The following TMEM132B variants were observed in gnomAD, a reference collection of about 807,000 sequenced individuals.
The protein encoded by TMEM132B is transmembrane protein 132B.
TMEM132B carries 18 observed loss-of-function variants against 90.8 expected under a neutral mutation model. The ratio of observed to expected loss-of-function variants is 0.20; its 90% CI spans 0.14 to 0.29. The LOEUF is 0.29. Ranked by LOEUF, TMEM132B falls within the 10% of genes least tolerant of loss-of-function variation. The probability of loss-of-function intolerance (pLI) is 1.00; values close to 1 mark genes in which losing one functional copy is unlikely to be tolerated. For missense variants in TMEM132B, 1,096 were observed against 1,326.8 expected (o/e 0.83, Z 2.70); for synonymous variants, 504 against 523.3 (o/e 0.96, Z 0.50).
intron 5 of TMEM132B, among the ~76,000 whole-genome samples, chr12:125,622,940 C>T (rs992246938): frequency 6.6e-6 from 1 of 152,154 alleles, no homozygotes; most frequent in Admixed American, 6.5e-5. Flanking sequence ...CTCTCTTTCT[C>T]CCCTGAGAAT....
At chr12:125,312,217 G>T (rs554560116) in intron 1 of TMEM132B, among the ~76,000 whole-genome samples, 1 of 152,342 alleles carries the variant, frequency 6.6e-6, no homozygotes, top group African/African-American at 2.4e-5. Context: ...ATGAATTTTA[G>T]TATATTTGAT....
Position 125,492,156 on chromosome 12 carries a change from G to A in TMEM132B, c.1107-27283G>A, listed in dbSNP as rs2030908. On this transcript the variant is annotated intron_variant, in intron 3 of 8. Transcript: ENST00000682704. The surrounding 1 kb of genome is among the most constrained non-coding windows in gnomAD (Gnocchi z 5.8). ...GAAGGGTGAGAGTGCCCTGCTGCCC[G>A]CCCCCACCGCTCCTCACCTTGCAGA... Among the ~76,000 whole-genome samples the A allele has an allele frequency of 0.068, 10,414 of 152,146 alleles. 379 individuals are homozygous for A. Among genetic ancestry groups the A allele is most frequent in the South Asian group, 0.16 (764 of 4,820 alleles).
chr12:125,428,017 G>A (rs1880373320), intron 3 of TMEM132B, among the ~76,000 whole-genome samples: 1 of 150,234 alleles, frequency 6.7e-6, no homozygotes, highest in African/African-American at 2.5e-5. Context: ...TTTTTCTGAG[G>A]AAGAAGGTCT....
At position 125,654,251 on chromosome 12, in the gene TMEM132B, C is replaced by T. The variant is rs201549881; in HGVS notation, c.2793C>T (p.Tyr931=). ...ACTGCGTGGCGTTTGCCTGGAAATA[C>T]AGACACAAAAGGTTTGCTGTGAGTG... ...LINCVAFAWK[Y]RHKRFAVSEQ... The change falls in exon 9 of 9, where the codon TAC becomes TAT. Residue 931 remains tyrosine (Y), a synonymous_variant. Transcript: ENST00000682704. The surrounding 1 kb of genome is among the most constrained non-coding windows in gnomAD (Gnocchi z 5.8). 7 of 1,614,122 alleles carry T rather than the reference C, an allele frequency of 4.3e-6. No individual in the cohort carries two copies. The East Asian group carries it at 1.6e-4, about 36-fold the overall frequency.
chr12:125,515,320 CTT>C (rs1361047970), intron 3 of TMEM132B, among the ~76,000 whole-genome samples: 24 of 151,916 alleles, frequency 1.6e-4, no homozygotes, highest in African/African-American at 3.4e-4. Context: ...CACATGTTCT[CTT>C]ACAGAAACAA....
intron 1 of TMEM132B, among the ~76,000 whole-genome samples, chr12:125,229,871 G>A (rs1015202422): frequency 6.6e-6 from 1 of 152,234 alleles, no homozygotes; most frequent in Non-Finnish European, 1.5e-5. Context: ...GCTATTGCTC[G>A]ATAGATTAAT....
intron 1 of TMEM132B, among the ~76,000 whole-genome samples, chr12:125,312,842 G>A (rs2136179271): frequency 6.6e-6 from 1 of 152,252 alleles, no homozygotes; most frequent in African/African-American, 2.4e-5. Flanking sequence ...GTTATGAAAG[G>A]ACACAGGATG....
Position 125,387,135 on chromosome 12 carries a change from CT to C in TMEM132B, c.960-28395del, listed in dbSNP as rs377425871. 7.2e-5 allele frequency among the ~76,000 whole-genome samples: 8 copies of C among 111,726 alleles called. No individual in the cohort carries two copies. In the East Asian group the frequency reaches 2.1e-3, roughly 30 times the overall value. 73.3% of individuals were successfully genotyped at this position (111,726 alleles called of 152,430 possible). On this transcript the variant is annotated intron_variant, in intron 2 of 8. Coordinates refer to ENST00000682704, the MANE Select transcript of TMEM132B (RefSeq NM_001366854.1). ...TCTTCTATCTTAAAAGTATTTGCCT[CT>C]GCTTTTTTCTGGGGGTGGGGCGGGG...
intron 1 of TMEM132B, among the ~76,000 whole-genome samples, chr12:125,203,088 G>C (rs1290898908): frequency 6.6e-6 from 1 of 152,152 alleles, no homozygotes; most frequent in Non-Finnish European, 1.5e-5. Flanking sequence ...GCTTACGTCT[G>C]CCTCTATACT....
intron 5 of TMEM132B, among the ~76,000 whole-genome samples, chr12:125,614,187 T>A (rs537014952): frequency 6.6e-6 from 1 of 152,296 alleles, no homozygotes; most frequent in African/African-American, 2.4e-5. Flanking sequence ...TGGGAATATT[T>A]CATGGTGCTG....
chr12:125,352,804 T>C (rs1004354270), intron 2 of TMEM132B, among the ~76,000 whole-genome samples: 1 of 152,234 alleles, frequency 6.6e-6, no homozygotes, highest in African/African-American at 2.4e-5. Context: ...TTTGGAGTTG[T>C]GCTTATTCAG....
intron 3 of TMEM132B, among the ~76,000 whole-genome samples, chr12:125,509,280 G>C (rs747744962): frequency 4.6e-5 from 7 of 152,186 alleles, no homozygotes; most frequent in Non-Finnish European, 7.3e-5. Context: ...CTTCATAGCT[G>C]TGTAACCTGC....
At chr12:125,336,222 T>C (rs901553833) in intron 1 of TMEM132B, among the ~76,000 whole-genome samples, 2 of 152,154 alleles carry the variant, frequency 1.3e-5, no homozygotes, top group Non-Finnish European at 2.9e-5. Flanking sequence ...TTCTAGAGTG[T>C]TATGTAAGTG....
intron 3 of TMEM132B, among the ~76,000 whole-genome samples, chr12:125,480,387 G>A (rs1382806892): frequency 6.6e-6 from 1 of 152,042 alleles, no homozygotes; most frequent in Non-Finnish European, 1.5e-5. Flanking sequence ...AGAAAAGAGA[G>A]AAGAATCAAA....
At chr12:125,573,082 A>G (rs1411878948) in intron 4 of TMEM132B, among the ~76,000 whole-genome samples, 2 of 152,236 alleles carry the variant, frequency 1.3e-5, no homozygotes, top group East Asian at 3.9e-4. Context: ...TGGCACTTAA[A>G]TCAGCCATTT....
intron 4 of TMEM132B, among the ~76,000 whole-genome samples, chr12:125,534,192 TA>T (rs1456773370): frequency 6.6e-6 from 1 of 152,184 alleles, no homozygotes; most frequent in Non-Finnish European, 1.5e-5. Context: ...AAAAAACCAT[TA>T]ATCACTACAA....
rs76953308 is a variant in TMEM132B, at chr12:125,519,750, T to A, written c.1293+125T>A. On this transcript the variant is annotated intron_variant, in intron 4 of 8. Coordinates refer to ENST00000682704, the MANE Select transcript of TMEM132B (RefSeq NM_001366854.1). ...TTTAAACAAGGAAAATATACTTAAA[T>A]TGCATTTGATCTACCTGCTTTTCAT... is the stretch of plus-strand genomic sequence containing the variant. 2,151 of 957,432 alleles carry A rather than the reference T, an allele frequency of 2.2e-3. 27 individuals carry two copies. The African/African-American group carries it at 0.032, about 14-fold the overall frequency. 59.3% of individuals were successfully genotyped at this position (957,432 alleles called of 1,614,324 possible).
chr12:125,411,441 C>T (rs112649881), intron 2 of TMEM132B, among the ~76,000 whole-genome samples: 9,275 of 151,636 alleles, frequency 0.061, 410 homozygotes, highest in East Asian at 0.1. Context: ...TGCAGCAAAC[C>T]ACCATGGCAT....
chr12:125,240,508 C>T (rs1874039913), intron 1 of TMEM132B, among the ~76,000 whole-genome samples: 2 of 152,114 alleles, frequency 1.3e-5, no homozygotes, highest in South Asian at 4.1e-4. Flanking sequence ...CAAAAACAAA[C>T]CCACGTGAGC....
Sources: gnomAD v4.1 joint callset for allele counts (sites outside exome capture counted in the v4.1 genomes callset) on GRCh38, gnomAD v4.1.1 for gene constraint, Gnocchi (gnomAD v3.1) non-coding constraint, MANE v1.5 for transcripts, NCBI Gene and HGNC (gene_info 2026-07-23, HGNC 2026-07-21) for gene names.